GRID2: variants seen among roughly 807,000 people sequenced by gnomAD.
The protein encoded by GRID2 is glutamate receptor ionotropic, delta-2.
GRID2 carries 33 observed loss-of-function variants against 114.8 expected under a neutral mutation model. The observed-to-expected ratio is 0.29, with a 90% CI of 0.22 to 0.38. The LOEUF is 0.38. GRID2 is among the 10% of genes least tolerant of loss of function. The pLI is 1.00. For missense variants in GRID2, 1,184 were observed against 1,257.7 expected (o/e 0.94, Z 0.89); for synonymous variants, 505 against 449.9 (o/e 1.12, Z -1.55).
At chr4:93,008,673 T>C (rs1484246650) in intron 2 of GRID2, among the ~76,000 whole-genome samples, 2 of 152,140 alleles carry the variant, frequency 1.3e-5, no homozygotes, top group South Asian at 2.1e-4. Flanking sequence ...GTAAATCATC[T>C]ACTTCCAAAT....
At chr4:92,526,653 ATT>A (rs145486307) in intron 1 of GRID2, among the ~76,000 whole-genome samples, 1 of 152,034 alleles carries the variant, frequency 6.6e-6, no homozygotes, top group Non-Finnish European at 1.5e-5. Flanking sequence ...CAATGGTTGC[ATT>A]TTTAAATATT....
At chr4:92,971,807 C>A (rs1282855381) in intron 2 of GRID2, among the ~76,000 whole-genome samples, 2 of 151,986 alleles carry the variant, frequency 1.3e-5, no homozygotes. Flanking sequence ...TCTTTCTGTG[C>A]CTGACTTATT....
At chr4:92,451,284 G>T (rs1485602758) in intron 1 of GRID2, among the ~76,000 whole-genome samples, 1 of 152,028 alleles carries the variant, frequency 6.6e-6, no homozygotes, top group Non-Finnish European at 1.5e-5. Context: ...ATGAAAGCCG[G>T]TAATTCTAAA....
At chr4:93,443,329 C>T (rs116551845) in intron 10 of GRID2, among the ~76,000 whole-genome samples, 1 of 152,086 alleles carries the variant, frequency 6.6e-6, no homozygotes, top group Non-Finnish European at 1.5e-5. Flanking sequence ...TGTGAAATCT[C>T]TTTCTCCTAC....
chr4:92,903,601 C>T (rs572224555), intron 2 of GRID2, among the ~76,000 whole-genome samples: 7 of 151,876 alleles, frequency 4.6e-5, no homozygotes, highest in Admixed American at 3.3e-4. Context: ...AATTTAGATC[C>T]GTGGTGAACC....
At chr4:92,701,030 G>C (rs1056923190) in intron 2 of GRID2, among the ~76,000 whole-genome samples, 1 of 150,170 alleles carries the variant, frequency 6.7e-6, no homozygotes, top group Non-Finnish European at 1.5e-5. Flanking sequence ...ATTACAGATA[G>C]AAGGGTTGAA....
intron 2 of GRID2, among the ~76,000 whole-genome samples, chr4:92,821,067 C>A: frequency 6.6e-6 from 1 of 152,120 alleles, no homozygotes; most frequent in Middle Eastern, 3.4e-3. Flanking sequence ...GAAATTGATA[C>A]ATTTAAATAA....
At chr4:93,125,716 A>T (rs1734203834) in intron 4 of GRID2, among the ~76,000 whole-genome samples, 1 of 152,184 alleles carries the variant, frequency 6.6e-6, no homozygotes, top group African/African-American at 2.4e-5. Context: ...AAGTAGGTGA[A>T]CACTTTAATT....
chr4:93,691,964 T>C (rs550848974), intron 14 of GRID2, among the ~76,000 whole-genome samples: 1 of 152,176 alleles, frequency 6.6e-6, no homozygotes, highest in East Asian at 1.9e-4. Context: ...CTAACCATAT[T>C]CATTCATTCA....
chr4:93,683,951 T>C (rs1435808378), intron 14 of GRID2, among the ~76,000 whole-genome samples: 1 of 152,176 alleles, frequency 6.6e-6, no homozygotes, highest in African/African-American at 2.4e-5. Context: ...TAGGGACCAC[T>C]GCAATGGGAT....
At chr4:93,783,439 C>G (rs1382109842) in intron 1 of GRID2, among the ~76,000 whole-genome samples, 1 of 152,164 alleles carries the variant, frequency 6.6e-6, no homozygotes. Context: ...GTAAATGGTC[C>G]TTCTATATTC....
chr4:93,583,550 C>G (rs1737201495), intron 13 of GRID2, among the ~76,000 whole-genome samples: 1 of 151,982 alleles, frequency 6.6e-6, no homozygotes, highest in African/African-American at 2.4e-5. Context: ...TTACAAACAT[C>G]CAATCCCCAT....
At chr4:93,347,704 C>G (rs1042140552) in intron 8 of GRID2, among the ~76,000 whole-genome samples, 1 of 152,024 alleles carries the variant, frequency 6.6e-6, no homozygotes, top group African/African-American at 2.4e-5. Flanking sequence ...AAGGTAATTA[C>G]TATTTGTTAT....
At chr4:92,609,604 A>G (rs1195927481) in intron 2 of GRID2, among the ~76,000 whole-genome samples, 1 of 150,318 alleles carries the variant, frequency 6.7e-6, no homozygotes, top group Admixed American at 6.7e-5. Context: ...AGTGTACAAC[A>G]GTTACTGGAA....
At chr4:92,401,951 T>C (rs1730808171) in intron 1 of GRID2, among the ~76,000 whole-genome samples, 1 of 152,204 alleles carries the variant, frequency 6.6e-6, no homozygotes, top group Admixed American at 6.6e-5. Flanking sequence ...TGGAGTTTAT[T>C]CTCTCACTGT....
intron 2 of GRID2, among the ~76,000 whole-genome samples, chr4:92,926,417 A>G (rs1749812743): frequency 6.6e-6 from 1 of 152,016 alleles, no homozygotes; most frequent in African/African-American, 2.4e-5. Context: ...CATTACATAC[A>G]ATAGAAAGTG....
intron 6 of GRID2, among the ~76,000 whole-genome samples, chr4:93,222,420 A>G (rs562985360): frequency 1.2e-3 from 175 of 151,590 alleles, no homozygotes; most frequent in Non-Finnish European, 1.5e-3. Flanking sequence ...AGGTAAGGAG[A>G]TAGTGAGGGA....
intron 4 of GRID2, among the ~76,000 whole-genome samples, chr4:93,142,738 C>T (rs1335065024): frequency 6.6e-6 from 1 of 152,174 alleles, no homozygotes; most frequent in African/African-American, 2.4e-5. Flanking sequence ...AAGAAACAGA[C>T]TGAAAGGACC....
chr4:92,984,553 A>G (rs1754393012), intron 2 of GRID2, among the ~76,000 whole-genome samples: 1 of 152,186 alleles, frequency 6.6e-6, no homozygotes, highest in Non-Finnish European at 1.5e-5. Context: ...GGATACATCT[A>G]TTATCTCACT....
Sources: gnomAD v4.1 joint callset for allele counts (sites outside exome capture counted in the v4.1 genomes callset) on GRCh38, gnomAD v4.1.1 for gene constraint, MANE v1.5 for transcripts, NCBI Gene and HGNC (gene_info 2026-07-23, HGNC 2026-07-21) for gene names.